HMOX2: variants seen among roughly 807,000 people sequenced by gnomAD.
HMOX2 encodes the protein heme oxygenase 2, also known as heme oxygenase (decycling) 2.
HMOX2 carries 30 observed loss-of-function variants against 33.7 expected under a neutral mutation model. That is an observed-to-expected ratio of 0.89 (90% CI 0.67 to 1.21). The LOEUF (loss-of-function observed/expected upper bound fraction) is 1.21. Ranked by LOEUF, HMOX2 falls within the 50% of genes most tolerant of loss-of-function variation. The pLI is 0.00. For missense variants in HMOX2, 403 were observed against 399.1 expected, an observed-to-expected ratio of 1.01 and a Z score of -0.08; for synonymous variants, 155 against 155.0, an observed-to-expected ratio of 1.00 and a Z score of 0.00.
intron 4 of HMOX2, among the ~76,000 whole-genome samples, chr16:4,508,965 G>A (rs1302460360): frequency 6.6e-6 from 1 of 152,192 alleles, no homozygotes; most frequent in East Asian, 1.9e-4. Flanking sequence ...ATCAGGCAGT[G>A]CAGCTGCCGC....
At chr16:4,506,835 TC>T in intron 2 of HMOX2, 59 bp from the exon 3 acceptor site, 1 of 1,243,422 alleles carries the variant, frequency 8.0e-7, no homozygotes, top group Non-Finnish European at 1.2e-6. Flanking sequence ...CTCTCTATGG[TC>T]CTTTCTGGAA....
chr16:4,509,955 G>A lies in HMOX2; in HGVS notation c.*199G>A. 6.3e-6 allele frequency: 4 copies of A among 630,610 alleles called. No homozygotes were observed. The highest frequency in any genetic ancestry group is 1.1e-5 in the Non-Finnish European group (4 of 367,404). 39.1% of individuals were successfully genotyped at this position (630,610 alleles called of 1,614,324 possible). A position where few individuals can be genotyped will look rare whatever the true frequency, so the allele number is the denominator to read the frequency against. On this transcript the variant is annotated 3_prime_UTR_variant, in exon 6 of 6. Coordinates refer to ENST00000570646, the MANE Select transcript of HMOX2 (RefSeq NM_002134.4). ...GGGCCATATTCCGCACTGGGCACAG[G>A]CCGTCACCCTGGGAGCAGTCGGCAC...
At chr16:4,507,608 A>G in intron 3 of HMOX2, 105 bp from the exon 4 acceptor site, 1 of 1,177,584 alleles carries the variant, frequency 8.5e-7, no homozygotes, top group Non-Finnish European at 1.2e-6. Flanking sequence ...AATGGACCAT[A>G]GGATTGGGTC....
At chr16:4,503,296 A>G (rs1352802184) in intron 1 of HMOX2, among the ~76,000 whole-genome samples, 1 of 152,074 alleles carries the variant, frequency 6.6e-6, no homozygotes, top group African/African-American at 2.4e-5. Flanking sequence ...TGTTCATAAT[A>G]TTCCCTTGAT....
At chr16:4,490,506 T>G (rs114642588) in intron 1 of HMOX2, among the ~76,000 whole-genome samples, 21 of 152,316 alleles carry the variant, frequency 1.4e-4, no homozygotes, top group African/African-American at 4.8e-4. Context: ...AGTTATATGT[T>G]CCATCCCACA....
At chr16:4,501,775 C>T (rs745532492) in intron 1 of HMOX2, among the ~76,000 whole-genome samples, 2 of 152,176 alleles carry the variant, frequency 1.3e-5, no homozygotes, top group Admixed American at 6.5e-5. Context: ...AATTATGTTT[C>T]TGCAGTTGCA....
intron 1 of HMOX2, among the ~76,000 whole-genome samples, chr16:4,501,906 T>G (rs976716723): frequency 6.6e-6 from 1 of 152,164 alleles, no homozygotes; most frequent in African/African-American, 2.4e-5. Context: ...CCCAGGAGCC[T>G]CCTCTGCCCC....
intron 1 of HMOX2, among the ~76,000 whole-genome samples, chr16:4,498,386 C>CTTT (rs571228130): frequency 7.0e-6 from 1 of 142,320 alleles, no homozygotes; most frequent in Non-Finnish European, 1.5e-5. Flanking sequence ...TTAACTTGCT[C>CTTT]TTTTTTTTTT....
chr16:4,496,882 A>G (rs974797917), intron 1 of HMOX2: 3 of 150,242 alleles, frequency 2.0e-5, no homozygotes, highest in Non-Finnish European at 4.4e-5. Flanking sequence ...TTTTGTAGAG[A>G]CGGGGGGTCT....
At chr16:4,491,580 A>G (rs2058306944) in intron 1 of HMOX2, among the ~76,000 whole-genome samples, 1 of 152,088 alleles carries the variant, frequency 6.6e-6, no homozygotes, top group African/African-American at 2.4e-5. Flanking sequence ...TGAGCTCAGG[A>G]GGTCAAGGCT....
rs985233005 is a variant in HMOX2, at chr16:4,482,897, G to A, written c.-42+6410G>A. On this transcript the variant is annotated intron_variant, in intron 1 of 5. Coordinates refer to ENST00000570646, the MANE Select transcript of HMOX2 (RefSeq NM_002134.4). ...ACAAAAAAATTAGCCGGGTGTGGTCGTGCATGCCTGTAGTCCCAGCCACTA... is the reference window on the plus strand; with the variant it reads ...ACAAAAAAATTAGCCGGGTGTGGTCATGCATGCCTGTAGTCCCAGCCACTA... Among the ~76,000 whole-genome samples the A allele has an allele frequency of 2.6e-5, 4 of 152,068 alleles. 1 individual carries two copies. Among genetic ancestry groups the A allele is most frequent in the South Asian group, 4.1e-4 (2 of 4,822 alleles).
Position 4,486,113 on chromosome 16 carries a change from G to A in HMOX2, c.-42+9626G>A, listed in dbSNP as rs551861685. Among the ~76,000 whole-genome samples, 9 of 152,338 alleles carry A rather than the reference G, an allele frequency of 5.9e-5. No individual in the cohort carries two copies. In the South Asian group the frequency reaches 1.5e-3, roughly 25 times the overall value. ...TGAAAGGGATTTGCAACCAAAAAAG[G>A]ATAAGGATTGTTCTGACAAGTACCC... On this transcript the variant is annotated intron_variant, in intron 1 of 5. Transcript: ENST00000570646.
At chr16:4,500,004 G>A (rs2058518391) in intron 1 of HMOX2, among the ~76,000 whole-genome samples, 1 of 152,170 alleles carries the variant, frequency 6.6e-6, no homozygotes. Context: ...CTCCATCTGT[G>A]TATTTGCAAC....
At chr16:4,486,234 AAACC>A (rs1178658411) in intron 1 of HMOX2, among the ~76,000 whole-genome samples, 2 of 152,268 alleles carry the variant, frequency 1.3e-5, no homozygotes, top group Non-Finnish European at 2.9e-5. Context: ...TTAAAGACAG[AAACC>A]CTAGGACATT....
chr16:4,509,800 C>G lies in HMOX2; in HGVS notation c.*44C>G. ...CCGGTACCCTCCTCCCGACTGACCA[C>G]TGGCCTACCCCTTTCTCCAGCCCTG... On this transcript the variant is annotated 3_prime_UTR_variant, in exon 6 of 6. Transcript: ENST00000570646. The G allele has an allele frequency of 6.3e-7, 1 of 1,580,554 alleles. No homozygotes were observed. The highest frequency in any genetic ancestry group is 8.6e-7 in the Non-Finnish European group (1 of 1,158,924).
At chr16:4,490,770 A>G (rs550689116) in intron 1 of HMOX2, among the ~76,000 whole-genome samples, 40 of 152,292 alleles carry the variant, frequency 2.6e-4, no homozygotes, top group African/African-American at 9.1e-4. Flanking sequence ...GTGACTAACA[A>G]TCTCGTCTCT....
chr16:4,501,717 A>G (rs1247928669), intron 1 of HMOX2, among the ~76,000 whole-genome samples: 3 of 152,218 alleles, frequency 2.0e-5, no homozygotes, highest in African/African-American at 4.8e-5. Context: ...AAGTATAGAA[A>G]CCAGCCAGAC....
chr16:4,502,745 G>A (rs1954198285), intron 1 of HMOX2: 1 of 152,196 alleles, frequency 6.6e-6, no homozygotes, highest in Non-Finnish European at 1.5e-5. Context: ...TTGAGACAGA[G>A]TCTTACTTTG....
chr16:4,497,866 GA>G (rs1425797649), intron 1 of HMOX2, among the ~76,000 whole-genome samples: 1 of 152,120 alleles, frequency 6.6e-6, no homozygotes, highest in Non-Finnish European at 1.5e-5. Flanking sequence ...CCAAAGTGCA[GA>G]GATTACAGGC....
Sources: allele counts gnomAD v4.1 joint callset (sites outside exome capture counted in the v4.1 genomes callset), GRCh38; gene constraint gnomAD v4.1.1; transcripts MANE v1.5; gene names NCBI Gene and HGNC (gene_info 2026-07-23, HGNC 2026-07-21).